OCA2: variants seen among roughly 807,000 people sequenced by gnomAD.
OCA2 encodes OCA2 melanosomal transmembrane protein, also known as P protein.
OCA2 carries 77 observed loss-of-function variants against 100.2 expected under a neutral mutation model. That is an observed-to-expected ratio of 0.77 (90% CI 0.64 to 0.93). The LOEUF (loss-of-function observed/expected upper bound fraction) is 0.93, where lower values mean the gene tolerates loss of function less well. Among genes scored for constraint, OCA2 ranks in the 40% least tolerant of loss-of-function variants. The probability of loss-of-function intolerance (pLI) is 0.00; values close to 1 mark genes in which losing one functional copy is unlikely to be tolerated. For synonymous variants in OCA2, 432 were observed against 439.2 expected, an observed-to-expected ratio of 0.98 and a Z score of 0.21; for missense variants, 1,062 against 1,089.1, an observed-to-expected ratio of 0.98 and a Z score of 0.35.
At chr15:28,057,902 A>T (rs926706071) in intron 2 of OCA2, among the ~76,000 whole-genome samples, 45 of 152,148 alleles carry the variant, frequency 3.0e-4, no homozygotes, top group African/African-American at 1.0e-3. Context: ...GATCAACCAA[A>T]CTAAGCCACC....
intron 22 of OCA2, among the ~76,000 whole-genome samples, chr15:27,849,543 A>AAAC (rs1555416871): frequency 6.6e-6 from 1 of 151,848 alleles, no homozygotes; most frequent in Non-Finnish European, 1.5e-5. Context: ...GACCAGTTAA[A>AAAC]AAAAAAAAAA....
At chr15:28,003,901 C>CCGAG (rs1428063360) in intron 9 of OCA2, among the ~76,000 whole-genome samples, 23 of 152,360 alleles carry the variant, frequency 1.5e-4, no homozygotes, top group Non-Finnish European at 4.4e-5. Context: ...GGCCTACGCC[C>CCGAG]CGAGCGGGGA....
intron 18 of OCA2, among the ~76,000 whole-genome samples, chr15:27,940,452 G>C (rs1180876711): frequency 6.6e-6 from 1 of 152,140 alleles, no homozygotes; most frequent in East Asian, 1.9e-4. Flanking sequence ...TCTATCCCCT[G>C]TCTCTTCCTT....
Position 27,983,347 on chromosome 15 carries a change from T to A in OCA2, c.1501A>T (p.Met501Leu), listed in dbSNP as rs1299589816. 6.2e-7 allele frequency: 1 copy of A among 1,614,186 alleles called. No individual in the cohort carries two copies. The highest frequency in any genetic ancestry group is 1.7e-5 in the Admixed American group (1 of 60,026). The change falls in exon 14 of 24, where the codon ATG becomes TTG. Residue 501 changes from methionine to leucine, a missense_variant and splice_region_variant. Physicochemically the swap from Met to Leu is conservative, Grantham distance 15. Coordinates refer to ENST00000354638, the MANE Select transcript of OCA2 (RefSeq NM_000275.3). The part of the protein sequence containing the change: ...IIVSNQELRK[M>L]GLDFAGFTAH... ...AACCCTAGCATGCTGGTACGTACCA[T>A]CTTCCTCAGCTCTTGGTTGGAAACA...
intron 23 of OCA2, among the ~76,000 whole-genome samples, chr15:27,817,632 C>T (rs1255626152): frequency 2.0e-5 from 3 of 152,092 alleles, no homozygotes; most frequent in East Asian, 1.9e-4. Flanking sequence ...TTAGAAACTC[C>T]GGCCCAGAAC....
chr15:27,801,933 A>G (rs1343530970), intron 23 of OCA2, among the ~76,000 whole-genome samples: 1 of 152,170 alleles, frequency 6.6e-6, no homozygotes, highest in Non-Finnish European at 1.5e-5. Context: ...TAAACATTTT[A>G]TTGGGTGTAA....
At chr15:27,967,195 TCAGGGTC>T (rs926872251) in intron 14 of OCA2, among the ~76,000 whole-genome samples, 5 of 151,926 alleles carry the variant, frequency 3.3e-5, no homozygotes, top group African/African-American at 4.8e-5. Context: ...GCTCCCTGAG[TCAGGGTC>T]CAGGGAGGGC....
Position 27,824,602 on chromosome 15 carries a change from C to CTCTCTCTCTCTATATATATATATATA in OCA2, c.2432+20356_2432+20357insTATATATATATATATAGAGAGAGAGA. 2.0e-3 allele frequency among the ~76,000 whole-genome samples: 93 copies of CTCTCTCTCTCTATATATATATATATA among 47,548 alleles called. 2 individuals are homozygous for CTCTCTCTCTCTATATATATATATATA. The highest frequency in any genetic ancestry group is 4.4e-3 in the African/African-American group (28 of 6,310). The allele number at this position is 47,548 out of a possible 152,430, so 31.2% of individuals were successfully genotyped here. ...TTTCTCTCTCTCTCTCTCTCTCTCT[C>CTCTCTCTCTCTATATATATATATATA]TATATATATATATATATATAATATA... On this transcript the variant is annotated intron_variant, in intron 23 of 23. Transcript: ENST00000354638.
intron 18 of OCA2, among the ~76,000 whole-genome samples, chr15:27,939,525 G>A (rs1455171328): frequency 6.6e-6 from 1 of 152,098 alleles, no homozygotes; most frequent in Non-Finnish European, 1.5e-5. Flanking sequence ...ACGAGGTTGA[G>A]CACCTTTTCA....
chr15:28,064,880 T>C (rs971163943), intron 2 of OCA2, among the ~76,000 whole-genome samples: 2 of 150,890 alleles, frequency 1.3e-5, no homozygotes, highest in Non-Finnish European at 2.9e-5. Context: ...ATTATTGTTG[T>C]TGAAACACTT....
chr15:27,812,908 C>T (rs144440793), intron 23 of OCA2, among the ~76,000 whole-genome samples: 1 of 152,294 alleles, frequency 6.6e-6, no homozygotes, highest in African/African-American at 2.4e-5. Context: ...GATGCCCCTC[C>T]TCCATCACAG....
chr15:27,918,537 C>T (rs78421076), intron 19 of OCA2, among the ~76,000 whole-genome samples: 8,243 of 152,248 alleles, frequency 0.054, 768 homozygotes, highest in African/African-American at 0.19. Flanking sequence ...TTTCAATTAA[C>T]GTCCACATCA....
intron 22 of OCA2, 88 bp from the exon 23 acceptor site, chr15:27,845,140 C>A: frequency 1.0e-6 from 1 of 976,686 alleles, no homozygotes; most frequent in Non-Finnish European, 1.6e-6. Context: ...GATCATCTCA[C>A]AGGCTTTGAT....
intron 19 of OCA2, among the ~76,000 whole-genome samples, chr15:27,897,189 CAAAA>C (rs34697199): frequency 1.5e-5 from 2 of 131,314 alleles, no homozygotes; most frequent in Admixed American, 7.7e-5. Context: ...GACTCCGTCT[CAAAA>C]AAAAAAAAAA....
rs562516557 is a variant in OCA2 at position 28,093,473 on chromosome 15, C to T, written c.-22+5751G>A. ...AGACAACACCGCCAGCTGCCTAGGA[C>T]TCGAGAGGGTGGTTCACTCCTGCAT... On this transcript the variant is annotated intron_variant, in intron 1 of 23. Transcript: ENST00000354638. 3.9e-5 allele frequency among the ~76,000 whole-genome samples: 6 copies of T among 151,912 alleles called. No homozygotes were observed. The South Asian group carries it at 1.3e-3, about 32-fold the overall frequency.
intron 2 of OCA2, among the ~76,000 whole-genome samples, chr15:28,071,547 C>G (rs2044261610): frequency 3.3e-5 from 5 of 152,200 alleles, no homozygotes; most frequent in Non-Finnish European, 7.3e-5. Context: ...AACCAAACAG[C>G]TTGGTATGGG....
chr15:28,039,075 T>C (rs2043127627), intron 2 of OCA2, among the ~76,000 whole-genome samples: 1 of 152,206 alleles, frequency 6.6e-6, no homozygotes, highest in Non-Finnish European at 1.5e-5. Context: ...AAAAATATTA[T>C]ATAATGATAA....
rs1464056529 is a variant in OCA2, at chr15:27,989,648, C to T, written c.1135G>A (p.Val379Met). The T allele has an allele frequency of 8.7e-6, 14 of 1,614,202 alleles. No homozygotes were observed. Among genetic ancestry groups the T allele is most frequent in the Non-Finnish European group, 1.2e-5 (14 of 1,180,026 alleles). ...GTCTCAAAATCAATCCACTCCACCA[C>T]ATGGGTCAGGCTGGGTCTCTGCAAT... is the stretch of plus-strand genomic sequence containing the variant. ...VIGDRPSLTH[V>M]VEWIDFETLA... The change falls in exon 11 of 24, where the codon GTG (valine) becomes ATG (methionine). Residue 379 changes from valine (V) to methionine (M), a missense_variant. Transcript: ENST00000354638.
At chr15:27,820,007 A>G (rs1199237800) in intron 23 of OCA2, among the ~76,000 whole-genome samples, 1 of 152,220 alleles carries the variant, frequency 6.6e-6, no homozygotes, top group African/African-American at 2.4e-5. Flanking sequence ...GGCACACATC[A>G]ATGGGACACA....
Sources: gnomAD v4.1 joint callset for allele counts (sites outside exome capture counted in the v4.1 genomes callset) on GRCh38, gnomAD v4.1.1 for gene constraint, MANE v1.5 for transcripts, NCBI Gene and HGNC (gene_info 2026-07-23, HGNC 2026-07-21) for gene names.